RBFOX1: variants seen among roughly 807,000 people sequenced by gnomAD.
RBFOX1 encodes the protein RNA binding fox-1 homolog 1.
RBFOX1 carries 8 observed loss-of-function variants against 57.7 expected under a neutral mutation model. The observed-to-expected ratio is 0.14, with a 90% confidence interval of 0.08 to 0.25. The LOEUF is 0.25. Ranked by LOEUF, RBFOX1 falls within the 10% of genes least tolerant of loss-of-function variation. The pLI is 1.00. For missense variants in RBFOX1, 611 were observed against 548.5 expected, an observed-to-expected ratio of 1.11 and a Z score of -1.14; for synonymous variants, 326 against 222.4, an observed-to-expected ratio of 1.47 and a Z score of -4.15.
At chr16:7,188,177 G>A (rs2084397164) in intron 4 of RBFOX1, among the ~76,000 whole-genome samples, 1 of 152,140 alleles carries the variant, frequency 6.6e-6, no homozygotes, top group South Asian at 2.1e-4. Context: ...GAAAACCAGA[G>A]GTATAAATAC....
chr16:7,585,875 T>C (rs2094091759), intron 6 of RBFOX1, among the ~76,000 whole-genome samples: 1 of 152,168 alleles, frequency 6.6e-6, no homozygotes, highest in African/African-American at 2.4e-5. Flanking sequence ...CCTCCCCTGC[T>C]TCTTGTGTGG....
chr16:7,003,277 G>A (rs182535130), intron 3 of RBFOX1, among the ~76,000 whole-genome samples: 10 of 151,836 alleles, frequency 6.6e-5, no homozygotes, highest in Admixed American at 5.9e-4. Context: ...TGGCCAACAT[G>A]GTGAAACCCC....
intron 3 of RBFOX1, among the ~76,000 whole-genome samples, chr16:7,048,856 G>A (rs2048959794): frequency 6.6e-6 from 1 of 152,176 alleles, no homozygotes; most frequent in South Asian, 2.1e-4. Context: ...CATGGAAGTT[G>A]TTGATATTTT....
At chr16:7,510,174 C>G (rs1000184585) in intron 4 of RBFOX1, 1 of 985,852 alleles carries the variant, frequency 1.0e-6, no homozygotes, top group Non-Finnish European at 1.2e-6. Context: ...CCTTCCTCAA[C>G]ACCCCGATCA....
intron 3 of RBFOX1, among the ~76,000 whole-genome samples, chr16:6,969,712 C>T (rs553588327): frequency 6.6e-6 from 1 of 152,036 alleles, no homozygotes; most frequent in Non-Finnish European, 1.5e-5. Flanking sequence ...CCACCTCACT[C>T]CAGCCTGGGT....
chr16:5,584,866 T>G (rs78030312), intron 2 of RBFOX1, among the ~76,000 whole-genome samples: 2,001 of 152,302 alleles, frequency 0.013, 9 homozygotes, highest in Middle Eastern at 0.027. Context: ...AGAGGAAAGC[T>G]TCTTTTGATT....
At chr16:5,298,860 T>G (rs2063739444) in intron 1 of RBFOX1, among the ~76,000 whole-genome samples, 1 of 65,562 alleles carries the variant, frequency 1.5e-5, no homozygotes, top group Non-Finnish European at 3.0e-5. Flanking sequence ...GTAATGAGAA[T>G]GTTGACAAAT....
intron 1 of RBFOX1, among the ~76,000 whole-genome samples, chr16:6,269,524 C>T (rs147032086): frequency 6.6e-6 from 1 of 152,268 alleles, no homozygotes; most frequent in African/African-American, 2.4e-5. Context: ...TAGGAGGAAA[C>T]CCATTTGAAA....
intron 3 of RBFOX1, among the ~76,000 whole-genome samples, chr16:6,779,214 A>G (rs2079914999): frequency 6.6e-6 from 1 of 152,018 alleles, no homozygotes; most frequent in Admixed American, 6.6e-5. Flanking sequence ...TCTACTCTGT[A>G]TCTCCATGAG....
chr16:7,280,947 C>CCCTA (rs148275289), intron 4 of RBFOX1, among the ~76,000 whole-genome samples: 108 of 121,670 alleles, frequency 8.9e-4, no homozygotes, highest in Non-Finnish European at 1.5e-3. Flanking sequence ...GCATGTGATT[C>CCCTA]CCTACCTACC....
chr16:5,379,917 C>G (rs1267107996), intron 1 of RBFOX1, among the ~76,000 whole-genome samples: 1 of 152,162 alleles, frequency 6.6e-6, no homozygotes. Flanking sequence ...ACTTGGCCCC[C>G]TTGCTGGAGA....
intron 3 of RBFOX1, among the ~76,000 whole-genome samples, chr16:5,834,889 G>T (rs1444949423): frequency 6.6e-6 from 1 of 152,134 alleles, no homozygotes; most frequent in Non-Finnish European, 1.5e-5. Flanking sequence ...GGACTGAATG[G>T]TAGATCTACT....
At chr16:6,769,351 C>G (rs62016070) in intron 3 of RBFOX1, among the ~76,000 whole-genome samples, 1 of 152,088 alleles carries the variant, frequency 6.6e-6, no homozygotes, top group Non-Finnish European at 1.5e-5. Flanking sequence ...GTCTTTCTCC[C>G]GTAAGTTGCC....
At chr16:6,187,382 G>A (rs931707709) in intron 1 of RBFOX1, among the ~76,000 whole-genome samples, 5 of 152,146 alleles carry the variant, frequency 3.3e-5, no homozygotes, top group African/African-American at 7.2e-5. Context: ...TAGATGTGAC[G>A]AGGCTGAGAA....
intron 4 of RBFOX1, among the ~76,000 whole-genome samples, chr16:7,231,719 A>T (rs550105453): frequency 6.6e-6 from 1 of 152,238 alleles, no homozygotes; most frequent in Admixed American, 6.5e-5. Flanking sequence ...TCATTGAGCC[A>T]TAAAAAGGAA....
At chr16:5,622,345 G>C (rs539022461) in intron 3 of RBFOX1, among the ~76,000 whole-genome samples, 2 of 152,330 alleles carry the variant, frequency 1.3e-5, no homozygotes, top group Admixed American at 6.5e-5. Context: ...GTTATGTTTA[G>C]TGTCTGTCTT....
chr16:6,369,490 G>T (rs2090129477), intron 2 of RBFOX1, among the ~76,000 whole-genome samples: 1 of 152,186 alleles, frequency 6.6e-6, no homozygotes, highest in African/African-American at 2.4e-5. Flanking sequence ...GGGAAGAATG[G>T]TTAATTTTGG....
intron 3 of RBFOX1, among the ~76,000 whole-genome samples, chr16:5,817,182 GTGTGTGTGTT>G (rs1477074044): frequency 6.6e-6 from 1 of 152,154 alleles, no homozygotes; most frequent in African/African-American, 2.4e-5. Context: ...ATCTCTCTGT[GTGTGTGTGTT>G]TGTGTGTGTG....
intron 3 of RBFOX1, among the ~76,000 whole-genome samples, chr16:5,704,796 A>C (rs1463695505): frequency 6.6e-6 from 1 of 152,212 alleles, no homozygotes; most frequent in Non-Finnish European, 1.5e-5. Flanking sequence ...ATATAATGAC[A>C]GGGTGAGTTG....
Sources: allele counts gnomAD v4.1 joint callset (sites outside exome capture counted in the v4.1 genomes callset), GRCh38; gene constraint gnomAD v4.1.1; transcripts MANE v1.5; gene names NCBI Gene and HGNC (gene_info 2026-07-23, HGNC 2026-07-21).